Variants in ACOT11 observed in about 807,000 individuals in gnomAD.
The protein encoded by ACOT11 is acyl-CoA thioesterase 11, also known as acyl-coenzyme A thioesterase 11.
Under a neutral mutation model 77.5 loss-of-function variants are expected in ACOT11, and 69 were observed. The ratio of observed to expected loss-of-function variants is 0.89; its 90% CI spans 0.73 to 1.09. ACOT11 has a LOEUF of 1.09. Ranked by LOEUF, ACOT11 falls within the 50% of genes least tolerant of loss-of-function variation. The pLI, the probability that ACOT11 is intolerant of heterozygous loss-of-function variation, is 0.00. For synonymous variants in ACOT11, 279 were observed against 313.0 expected, an observed-to-expected ratio of 0.89 and a Z score of 1.15; for missense variants, 766 against 813.7, an observed-to-expected ratio of 0.94 and a Z score of 0.71.
At chr1:54,587,781 C>T (rs1028923998) in intron 3 of ACOT11, among the ~76,000 whole-genome samples, 1 of 151,606 alleles carries the variant, frequency 6.6e-6, no homozygotes, top group Middle Eastern at 3.4e-3. Context: ...AAGCTGGTCT[C>T]GAACTCCTGG....
chr1:54,618,834 G>C (rs948924229), intron 15 of ACOT11, among the ~76,000 whole-genome samples: 1 of 152,098 alleles, frequency 6.6e-6, no homozygotes, highest in Admixed American at 6.6e-5. Flanking sequence ...TCTTGGGAAG[G>C]TTATTTGATC....
At chr1:54,623,540 T>C (rs539270448) in intron 15 of ACOT11, 3 of 674,836 alleles carry the variant, frequency 4.4e-6, no homozygotes, top group Non-Finnish European at 5.3e-6. Context: ...CCCTGTAATA[T>C]CCCCTCTGGA....
Position 54,554,353 on chromosome 1 carries a change from T to TATA in ACOT11, c.33+6011_33+6012insATA, listed in dbSNP as rs1557644014. On this transcript the variant is annotated intron_variant, in intron 1 of 15. Transcript: ENST00000343744. ...TGTGTGTATATATATATATATATAT[T>TATA]TTTTTTTTTTTTTTTTGAGATGGAG... is the stretch of plus-strand genomic sequence containing the variant. Among the ~76,000 whole-genome samples, 69 of 33,432 alleles carry TATA rather than the reference T, an allele frequency of 2.1e-3. 1 individual carries two copies. Among genetic ancestry groups the TATA allele is most frequent in the African/African-American group, 6.0e-3 (66 of 10,964 alleles). 21.9% of individuals were successfully genotyped at this position (33,432 alleles called of 152,430 possible). A position where few individuals can be genotyped will look rare whatever the true frequency, so the allele number is the denominator to read the frequency against.
chr1:54,592,694 A>G (rs1654753504), intron 4 of ACOT11, 88 bp downstream of exon 4: 2 of 1,386,490 alleles, frequency 1.4e-6, no homozygotes, highest in African/African-American at 2.9e-5. Flanking sequence ...GCCCAGGGCC[A>G]CTCACACTTG....
intron 1 of ACOT11, among the ~76,000 whole-genome samples, chr1:54,561,788 C>A (rs373070376): frequency 0.03 from 2,186 of 73,194 alleles, no homozygotes; most frequent in Non-Finnish European, 0.039. Context: ...GGGGGCTGAC[C>A]CCCCCACCTC....
At chr1:54,630,738 G>A in exon 16 of ACOT11, 1 of 732,440 alleles carries the variant, frequency 1.4e-6, no homozygotes, top group Non-Finnish European at 2.5e-6. Context: ...CTCTAGTGCT[G>A]CTGGGTTAGG....
intron 6 of ACOT11, 44 bp downstream of exon 6, chr1:54,594,735 T>C: frequency 6.3e-7 from 1 of 1,576,756 alleles, no homozygotes; most frequent in Non-Finnish European, 8.6e-7. Flanking sequence ...GCTGGCGTCC[T>C]GCATGGCCCC....
chr1:54,623,428 G>T lies in ACOT11; in HGVS notation c.1630-7306G>T, dbSNP rs200643210. 87 of 1,545,866 alleles carry T rather than the reference G, an allele frequency of 5.6e-5. 2 individuals carry two copies. The highest frequency in any genetic ancestry group is 1.8e-4 in the South Asian group (16 of 88,838). Reference sequence around the variant, plus strand: ...CTCTCTGGGGAATGCCCCCAACTCCGTGCGGCCCAGAGTCCCTGAGGCTCC... The same window carrying T: ...CTCTCTGGGGAATGCCCCCAACTCCTTGCGGCCCAGAGTCCCTGAGGCTCC... On this transcript the variant is annotated intron_variant, in intron 15 of 16. Coordinates refer to the ACOT11 transcript ENST00000371316.
At chr1:54,601,446 G>T in intron 9 of ACOT11, 33 bp downstream of exon 9, 2 of 1,600,656 alleles carry the variant, frequency 1.2e-6, no homozygotes. Context: ...CCCACCAGCA[G>T]CTCCCCTCCC....
intron 16 of ACOT11, among the ~76,000 whole-genome samples, chr1:54,633,154 A>G (rs937177731): frequency 2.0e-5 from 3 of 152,254 alleles, no homozygotes; most frequent in African/African-American, 7.2e-5. Context: ...GGTGGCAGCC[A>G]TTGTTAAGCC....
chr1:54,594,086 C>A (rs1363878547), intron 5 of ACOT11, 47 bp downstream of exon 5: 1 of 1,560,854 alleles, frequency 6.4e-7, no homozygotes, highest in Admixed American at 1.7e-5. Context: ...GTGACCTGGG[C>A]ACCTGCCATG....
At chr1:54,604,642 C>G (rs987034274) in intron 12 of ACOT11, among the ~76,000 whole-genome samples, 2 of 152,172 alleles carry the variant, frequency 1.3e-5, no homozygotes, top group Admixed American at 6.5e-5. Flanking sequence ...TGCCTGCCCC[C>G]CTTCCTGTTC....
downstream of ACOT11, chr1:54,614,932 C>T (rs1644156042): frequency 2.3e-6 from 3 of 1,288,012 alleles, no homozygotes; most frequent in Non-Finnish European, 1.1e-6. Flanking sequence ...GGGCAGAAAG[C>T]AGAGCGGGTG....
intron 7 of ACOT11, among the ~76,000 whole-genome samples, chr1:54,599,071 A>G (rs1569745752): frequency 7.3e-6 from 1 of 136,994 alleles, no homozygotes; most frequent in African/African-American, 2.7e-5. Context: ...GCTTGAACCC[A>G]GGAGGCAGAA....
At chr1:54,582,929 C>T (rs1479151653) in intron 1 of ACOT11, among the ~76,000 whole-genome samples, 1 of 152,128 alleles carries the variant, frequency 6.6e-6, no homozygotes, top group Non-Finnish European at 1.5e-5. Context: ...CCCAATACCC[C>T]TGGCTATGGG....
chr1:54,569,127 A>T (rs142096494), intron 1 of ACOT11, among the ~76,000 whole-genome samples: 4 of 44,632 alleles, frequency 9.0e-5, no homozygotes, highest in African/African-American at 1.9e-4. Flanking sequence ...AAAAAAAAAT[A>T]ATTTTTTTTT....
chr1:54,598,777 G>A (rs1165689853), intron 7 of ACOT11: 2 of 149,814 alleles, frequency 1.3e-5, no homozygotes, highest in Non-Finnish European at 2.9e-5. Context: ...GGAGGCGGAG[G>A]TTGCAGTGAG....
chr1:54,555,256 G>A (rs1653221204), intron 1 of ACOT11, among the ~76,000 whole-genome samples: 1 of 152,168 alleles, frequency 6.6e-6, no homozygotes, highest in African/African-American at 2.4e-5. Context: ...ACCACGTCTG[G>A]CTCTGGTTTT....
chr1:54,581,455 C>T (rs1200329489), intron 1 of ACOT11, among the ~76,000 whole-genome samples: 1 of 152,130 alleles, frequency 6.6e-6, no homozygotes, highest in African/African-American at 2.4e-5. Flanking sequence ...GTGCCTTAGT[C>T]CCCCAGGCTG....
Sources: allele counts gnomAD v4.1 joint callset (sites outside exome capture counted in the v4.1 genomes callset), GRCh38; gene constraint gnomAD v4.1.1; transcripts MANE v1.5; gene names NCBI Gene and HGNC (gene_info 2026-07-23, HGNC 2026-07-21).